CDH5: variants seen among roughly 807,000 people sequenced by gnomAD.
CDH5 encodes cadherin 5.
CDH5 carries 28 observed loss-of-function variants against 62.0 expected under a neutral mutation model. The ratio of observed to expected loss-of-function variants is 0.45; its 90% CI spans 0.33 to 0.62. The LOEUF (loss-of-function observed/expected upper bound fraction) is 0.62, where lower values mean the gene tolerates loss of function less well. Among genes scored for constraint, CDH5 ranks in the 20% least tolerant of loss-of-function variants. The pLI is 0.02. For missense variants in CDH5, 940 were observed against 1,065.1 expected (o/e 0.88, Z 1.63); for synonymous variants, 464 against 445.8 (o/e 1.04, Z -0.52).
intron 7 of CDH5, chr16:66,395,505 T>TTTC (rs1961166391): frequency 7.1e-6 from 1 of 141,358 alleles, no homozygotes; most frequent in African/African-American, 2.6e-5. Flanking sequence ...TTTCTTTTCT[T>TTTC]TTTTTTTTTT....
Position 66,387,102 on chromosome 16 carries a change from G to A in CDH5, c.499+5G>A, listed in dbSNP as rs745855779. 26 of 1,606,552 alleles carry A rather than the reference G, an allele frequency of 1.6e-5. No homozygotes were observed. The highest frequency in any genetic ancestry group is 3.7e-4 in the Middle Eastern group (2 of 5,416). ...TGCCTGAGTCGTCGGCTGTGGGTAC[G>A]TTGCATGCCCACTCTGTCCTCCTCC... On this transcript the variant is annotated splice_donor_5th_base_variant and intron_variant, in intron 3 of 11. Transcript: ENST00000341529.
intron 4 of CDH5, 83 bp from the exon 5 acceptor site, chr16:66,389,275 G>A: frequency 2.9e-6 from 4 of 1,393,814 alleles, no homozygotes; most frequent in Non-Finnish European, 2.9e-6. Context: ...AAGCTCTTAA[G>A]TCAGGTTCTC....
At chr16:66,402,552 C>T (rs1961303844) in intron 11 of CDH5, 100 bp from the exon 12 acceptor site, 9 of 898,932 alleles carry the variant, frequency 1.0e-5, no homozygotes, top group Non-Finnish European at 1.3e-5. Flanking sequence ...GCTGGGAGGG[C>T]GTGGGGGTGG....
intron 1 of CDH5, among the ~76,000 whole-genome samples, chr16:66,371,925 C>T (rs1172230289): frequency 6.6e-6 from 1 of 152,210 alleles, no homozygotes; most frequent in African/African-American, 2.4e-5. Flanking sequence ...CCCTCCCCGC[C>T]CTTCCCTTCC....
At chr16:66,384,077 C>T (rs935194117) in intron 2 of CDH5, among the ~76,000 whole-genome samples, 1 of 131,632 alleles carries the variant, frequency 7.6e-6, no homozygotes, top group African/African-American at 3.0e-5. Context: ...AGGAGTCCAG[C>T]CTTTTTTTTT....
intron 2 of CDH5, among the ~76,000 whole-genome samples, chr16:66,386,338 A>T (rs763789240): frequency 6.6e-6 from 1 of 151,514 alleles, no homozygotes; most frequent in Non-Finnish European, 1.5e-5. Context: ...TGTATATTGC[A>T]TATTCGTGGG....
At chr16:66,402,400 G>A (rs1317162847) in intron 11 of CDH5, among the ~76,000 whole-genome samples, 1 of 125,516 alleles carries the variant, frequency 8.0e-6, no homozygotes, top group African/African-American at 3.6e-5. Context: ...ATGAGTATGC[G>A]GGGGAGCGGC....
chr16:66,383,652 T>C (rs1960933720), intron 2 of CDH5, among the ~76,000 whole-genome samples: 1 of 152,108 alleles, frequency 6.6e-6, no homozygotes, highest in South Asian at 2.1e-4. Context: ...GAGTCTCCAC[T>C]GTCCTCGCAG....
At chr16:66,367,244 C>T (rs1960603814) in intron 1 of CDH5, among the ~76,000 whole-genome samples, 1 of 152,222 alleles carries the variant, frequency 6.6e-6, no homozygotes, top group Admixed American at 6.5e-5. Context: ...TGGGGAGGGG[C>T]CCTGAAAAGG....
Position 66,390,361 on chromosome 16 carries a change from C to T in CDH5, c.782-42C>T, listed in dbSNP as rs751549414. 9.3e-6 allele frequency: 14 copies of T among 1,506,600 alleles called. No individual in the cohort carries two copies. The East Asian group carries it at 3.0e-4, about 32-fold the overall frequency. 93.3% of individuals were successfully genotyped at this position (1,506,600 alleles called of 1,614,324 possible). The stretch of plus-strand genomic sequence containing the variant: ...TGAAAGAGGCAATCGCCTTGTCTAT[C>T]TCATTAACCCAAAGCCCTTTGGGGT... On this transcript the variant is annotated intron_variant, in intron 5 of 11. Coordinates refer to ENST00000341529, the MANE Select transcript of CDH5 (RefSeq NM_001795.5).
intron 3 of CDH5, among the ~76,000 whole-genome samples, chr16:66,387,826 G>A (rs576971348): frequency 6.6e-6 from 1 of 152,190 alleles, no homozygotes; most frequent in Non-Finnish European, 1.5e-5. Context: ...CTGGGCTCAG[G>A]AGGTTACTAC....
intron 2 of CDH5, among the ~76,000 whole-genome samples, chr16:66,382,729 G>C (rs778495255): frequency 3.3e-5 from 5 of 152,224 alleles, no homozygotes; most frequent in Non-Finnish European, 2.9e-5. Context: ...ACAAGGGGTC[G>C]TCACGCTGGG....
intron 1 of CDH5, among the ~76,000 whole-genome samples, chr16:66,368,866 G>A (rs1960634636): frequency 6.6e-6 from 1 of 152,220 alleles, no homozygotes; most frequent in Non-Finnish European, 1.5e-5. Context: ...CAAGCCAGGA[G>A]CCCAGTGATA....
Position 66,379,314 on chromosome 16 carries a change from C to G in CDH5, c.-19-5C>G, listed in dbSNP as rs1300678914. 1.1e-5 allele frequency: 18 copies of G among 1,589,668 alleles called. No individual in the cohort carries two copies. The highest frequency in any genetic ancestry group is 3.4e-5 in the Admixed American group (2 of 58,800). ...AGAGTCTGAATGTGTCTCCTCTTTCCCCAGATCTGTTCCTCCTGGGAAGAT... is the reference window on the plus strand; with the variant it reads ...AGAGTCTGAATGTGTCTCCTCTTTCGCCAGATCTGTTCCTCCTGGGAAGAT... On this transcript the variant is annotated splice_polypyrimidine_tract_variant and splice_region_variant and intron_variant, in intron 1 of 11. Transcript: ENST00000341529.
Position 66,374,972 on chromosome 16 carries a change from G to A in CDH5, c.-19-4347G>A, listed in dbSNP as rs578167883. On this transcript the variant is annotated intron_variant, in intron 1 of 11. Transcript: ENST00000341529. ...CTCCCCCCACCCCACGACAGGCCCCGGTGTGTGATGTGCATCTTAATGACT... is the reference window on the plus strand; with the variant it reads ...CTCCCCCCACCCCACGACAGGCCCCAGTGTGTGATGTGCATCTTAATGACT... Among the ~76,000 whole-genome samples the A allele has an allele frequency of 9.9e-5, 15 of 151,556 alleles. No homozygotes were observed. The East Asian group carries it at 1.2e-3, about 12-fold the overall frequency.
intron 6 of CDH5, among the ~76,000 whole-genome samples, chr16:66,390,887 A>G (rs987792544): frequency 6.6e-6 from 1 of 152,168 alleles, no homozygotes; most frequent in African/African-American, 2.4e-5. Context: ...GGAGAAGCTG[A>G]GGGTGAAGGA....
At chr16:66,389,179 G>A (rs1961038006) in intron 4 of CDH5, among the ~76,000 whole-genome samples, 179 bp from the exon 5 acceptor site, 1 of 152,184 alleles carries the variant, frequency 6.6e-6, no homozygotes, top group South Asian at 2.1e-4. Context: ...TATTGGGCCA[G>A]CTTTGGCCTC....
Position 66,388,310 on chromosome 16 carries a change from T to TTC in CDH5, c.500-6_500-5dup, listed in dbSNP as rs1295851129. On this transcript the variant is annotated splice_polypyrimidine_tract_variant and intron_variant, in intron 3 of 11. Transcript: ENST00000341529. ...CAGTCACAAGTCAGCAACCCCAGGATTCTCTCTCTGCAGGGACCTCAGTCA... is the reference window on the plus strand; with the variant it reads ...CAGTCACAAGTCAGCAACCCCAGGATTCTCTCTCTCTGCAGGGACCTCAGTCA... 1.3e-6 allele frequency: 2 copies of TTC among 1,575,148 alleles called. No homozygotes were observed. The highest frequency in any genetic ancestry group is 1.7e-6 in the Non-Finnish European group (2 of 1,144,668).
At position 66,402,858 on chromosome 16, in the gene CDH5, C is replaced by T. The variant is rs1172303468; in HGVS notation, c.2044C>T (p.Pro682Ser). The part of the protein sequence containing the change: ...KPPRPALDAR[P>S]SLYAQVQKPP... ...CCCGCGGCCCGCGCTGGACGCCCGG[C>T]CTTCCCTCTATGCGCAGGTGCAGAA... is the stretch of plus-strand genomic sequence containing the variant. Residue 682 changes from proline (P) to serine (S), a missense_variant, in exon 12 of 12, where the codon CCT (proline) becomes TCT (serine). Coordinates refer to ENST00000341529, the MANE Select transcript of CDH5 (RefSeq NM_001795.5). 3 of 1,601,270 alleles carry T rather than the reference C, an allele frequency of 1.9e-6. No homozygotes were observed. The highest frequency in any genetic ancestry group is 1.7e-5 in the Admixed American group (1 of 58,732).
Sources: allele counts gnomAD v4.1 joint callset (sites outside exome capture counted in the v4.1 genomes callset), GRCh38; gene constraint gnomAD v4.1.1; transcripts MANE v1.5; gene names NCBI Gene and HGNC (gene_info 2026-07-23, HGNC 2026-07-21).